TES: variants seen among roughly 807,000 people sequenced by gnomAD.
TES encodes testin LIM domain protein.
A neutral mutation model predicts 48.2 loss-of-function variants in TES; 41 were observed. The observed-to-expected ratio is 0.85, with a 90% CI of 0.66 to 1.10. TES has a LOEUF of 1.10. Among genes scored for constraint, TES ranks in the 50% least tolerant of loss-of-function variants. TES has a pLI of 0.00. For missense variants in TES, 463 were observed against 515.1 expected (o/e 0.90, Z 0.98); for synonymous variants, 162 against 174.9 (o/e 0.93, Z 0.58).
chr7:116,241,844 A>G (rs1343621318), intron 2 of TES, among the ~76,000 whole-genome samples: 1 of 152,188 alleles, frequency 6.6e-6, no homozygotes, highest in East Asian at 1.9e-4. Context: ...AAGACAAATA[A>G]TAATTTAAAA....
At chr7:116,221,431 CA>C (rs1799556784) in intron 1 of TES, among the ~76,000 whole-genome samples, 1 of 152,128 alleles carries the variant, frequency 6.6e-6, no homozygotes, top group African/African-American at 2.4e-5. Flanking sequence ...CTATTCTTTG[CA>C]GCACCTCCCA....
Position 116,250,284 on chromosome 7 carries a change from TG to T in TES, c.491del (p.Cys164SerfsTer9). ...LPAHDQDPSK[C>X]HELSPREVKE... ...TGCACATGACCAGGACCCTTCAAAG[TG>T]CCATGAGTTGTCTCCCAGAGAGGTG... On this transcript the variant is annotated frameshift_variant, in exon 4 of 7. Coordinates refer to ENST00000358204, the MANE Select transcript of TES (RefSeq NM_015641.4). LOFTEE classifies it high-confidence loss of function. The T allele has an allele frequency of 6.2e-7, 1 of 1,613,640 alleles. No individual in the cohort carries two copies.
intron 2 of TES, among the ~76,000 whole-genome samples, chr7:116,243,688 CTATCT>C (rs1421360628): frequency 5.9e-5 from 9 of 152,186 alleles, no homozygotes; most frequent in African/African-American, 2.2e-4. Flanking sequence ...TTTGAATATA[CTATCT>C]TAATAAATTA....
At position 116,250,421 on chromosome 7, in the gene TES, T is replaced by C. The variant is rs758214932; in HGVS notation, c.627T>C (p.Pro209=). ...AAGGCCCCAAACAAATGAACATTCC[T>C]GGAGGGGATAGAAGCACCCCAGCAG... ...DAQGPKQMNI[P]GGDRSTPAAV... Residue 209 remains proline, a synonymous_variant, in exon 4 of 7, where the codon CCT becomes CCC. Coordinates refer to ENST00000358204, the MANE Select transcript of TES (RefSeq NM_015641.4). 3.7e-6 allele frequency: 6 copies of C among 1,611,206 alleles called. No homozygotes were observed. The East Asian group carries it at 8.9e-5, about 24-fold the overall frequency.
Position 116,250,216 on chromosome 7 carries a change from AG to A in TES, c.427del (p.Ala143HisfsTer30). ...GAAAAGCAGCCAGTAGCAGGCTCAG[AG>A]GGGGCACAGTACCGGAAGAAGCAGC... ...PKEKQPVAGSEGAQYRKKQLA... is the reference protein window; with the variant it reads ...PKEKQPVAGSXGAQYRKKQLA... On this transcript the variant is annotated frameshift_variant, in exon 4 of 7. Transcript: ENST00000358204. LOFTEE classifies it high-confidence loss of function. The A allele has an allele frequency of 6.3e-7, 1 of 1,593,262 alleles. No individual in the cohort carries two copies. The highest frequency in any genetic ancestry group is 8.5e-7 in the Non-Finnish European group (1 of 1,171,432).
At chr7:116,229,542 T>G (rs1799670807) in intron 1 of TES, among the ~76,000 whole-genome samples, 2 of 152,134 alleles carry the variant, frequency 1.3e-5, no homozygotes, top group Admixed American at 1.3e-4. Flanking sequence ...TTGAGGAACC[T>G]CAGTTCTTGT....
chr7:116,233,582 A>G (rs949206250), intron 1 of TES, among the ~76,000 whole-genome samples: 9 of 152,210 alleles, frequency 5.9e-5, no homozygotes, highest in African/African-American at 2.2e-4. Context: ...CAAAAATGGC[A>G]AATCATATTG....
chr7:116,251,255 C>T (rs929380813), intron 4 of TES, among the ~76,000 whole-genome samples: 26 of 152,030 alleles, frequency 1.7e-4, no homozygotes, highest in Admixed American at 2.6e-4. Flanking sequence ...TTTGAATAGC[C>T]GGGAGAAAGC....
At chr7:116,235,148 G>A (rs539637693) in intron 2 of TES, among the ~76,000 whole-genome samples, 13 of 152,006 alleles carry the variant, frequency 8.6e-5, no homozygotes, top group East Asian at 1.9e-4. Flanking sequence ...ATGGGGTTTC[G>A]CCATGTTGGC....
intron 1 of TES, among the ~76,000 whole-genome samples, chr7:116,221,924 G>C (rs1216763806): frequency 6.6e-6 from 1 of 152,142 alleles, no homozygotes; most frequent in Non-Finnish European, 1.5e-5. Context: ...TTTAAATGAT[G>C]TCTGTGCACC....
At chr7:116,225,783 T>G (rs556381373) in intron 1 of TES, among the ~76,000 whole-genome samples, 1 of 152,338 alleles carries the variant, frequency 6.6e-6, no homozygotes, top group East Asian at 1.9e-4. Flanking sequence ...AGCTATAATA[T>G]TTGGTCTTCA....
chr7:116,250,350 G>A lies in TES; in HGVS notation c.556G>A (p.Ala186Thr), dbSNP rs1231469100. 6.2e-7 allele frequency: 1 copy of A among 1,613,966 alleles called. No homozygotes were observed. Among genetic ancestry groups the A allele is most frequent in the Non-Finnish European group, 8.5e-7 (1 of 1,179,916 alleles). ...GTTTGTGAAGAAATATAAGAGCGAA[G>A]CTCTGGGAGTAGGAGATGTCAAACT... ...EQFVKKYKSEALGVGDVKLPC... is the reference protein window; with the variant it reads ...EQFVKKYKSETLGVGDVKLPC... Residue 186 changes from alanine (A) to threonine (T), a missense_variant, in exon 4 of 7, where the codon GCT (alanine) becomes ACT (threonine). By Grantham distance (58) the Ala-to-Thr change is moderately conservative. Coordinates refer to ENST00000358204, the MANE Select transcript of TES (RefSeq NM_015641.4).
At chr7:116,253,404 A>G (rs190980365) in intron 6 of TES, among the ~76,000 whole-genome samples, 1 of 152,106 alleles carries the variant, frequency 6.6e-6, no homozygotes, top group Admixed American at 6.5e-5. Flanking sequence ...TATAATTACA[A>G]CCATTCTACT....
chr7:116,215,831 C>G (rs1799487875), intron 1 of TES, among the ~76,000 whole-genome samples: 1 of 152,142 alleles, frequency 6.6e-6, no homozygotes, highest in Non-Finnish European at 1.5e-5. Flanking sequence ...GCAAAGTGTT[C>G]AGAGTGCCTC....
chr7:116,247,946 T>G (rs1799950120), intron 2 of TES, among the ~76,000 whole-genome samples: 1 of 152,124 alleles, frequency 6.6e-6, no homozygotes, highest in African/African-American at 2.4e-5. Flanking sequence ...GAGAGTTAGC[T>G]TTTCAAACGT....
At chr7:116,230,513 C>T (rs1391227822) in intron 1 of TES, among the ~76,000 whole-genome samples, 6 of 152,144 alleles carry the variant, frequency 3.9e-5, no homozygotes, top group Non-Finnish European at 7.4e-5. Context: ...TCTCCTGGTC[C>T]CTGTGAGGGC....
Position 116,257,725 on chromosome 7 carries a change from A to G in TES, c.*243A>G, listed in dbSNP as rs1800123487. The G allele has an allele frequency of 6.7e-6, 2 of 300,038 alleles. No individual in the cohort carries two copies. The highest frequency in any genetic ancestry group is 1.2e-5 in the Non-Finnish European group (2 of 168,354). The allele number at this position is 300,038 out of a possible 1,614,324, so 18.6% of individuals were successfully genotyped here. The stretch of plus-strand genomic sequence containing the variant: ...ATTGTATCTTTCCATAGCTTTTCAA[A>G]TGTGAAATCATTTTTGGAAGCTTGG... On this transcript the variant is annotated 3_prime_UTR_variant, in exon 7 of 7. Coordinates refer to ENST00000358204, the MANE Select transcript of TES (RefSeq NM_015641.4).
intron 1 of TES, among the ~76,000 whole-genome samples, chr7:116,232,199 G>C (rs1799709098): frequency 6.6e-6 from 1 of 152,132 alleles, no homozygotes; most frequent in African/African-American, 2.4e-5. Flanking sequence ...CAATCTGAAG[G>C]CATGCAAGAA....
intron 6 of TES, among the ~76,000 whole-genome samples, chr7:116,255,472 C>A (rs569209257): frequency 9.2e-5 from 14 of 152,220 alleles, no homozygotes; most frequent in African/African-American, 3.4e-4. Flanking sequence ...GAATGGTAAT[C>A]AAATTATTAG....
Sources: allele counts gnomAD v4.1 joint callset (sites outside exome capture counted in the v4.1 genomes callset), GRCh38; gene constraint gnomAD v4.1.1; transcripts MANE v1.5; gene names NCBI Gene and HGNC (gene_info 2026-07-23, HGNC 2026-07-21).